Variants in HDAC9 observed in about 807,000 individuals in gnomAD.
HDAC9 encodes the protein MEF-2 interacting transcription repressor (MITR) protein.
In HDAC9, 41 loss-of-function variants were observed where a neutral mutation model predicts 139.4. That is an observed-to-expected ratio of 0.29 (90% CI 0.23 to 0.38). HDAC9 has a LOEUF of 0.38. Among genes scored for constraint, HDAC9 ranks in the 10% least tolerant of loss-of-function variants. The pLI is 1.00. For missense variants in HDAC9, 1,147 were observed against 1,297.0 expected (o/e 0.88, Z 1.78); for synonymous variants, 517 against 476.2 (o/e 1.09, Z -1.12).
At chr7:18,739,431 T>C (rs952505582) in intron 13 of HDAC9, among the ~76,000 whole-genome samples, 1 of 152,234 alleles carries the variant, frequency 6.6e-6, no homozygotes, top group African/African-American at 2.4e-5. Flanking sequence ...GTTGGTGACC[T>C]ACAGATGGGG....
At chr7:18,170,492 G>A (rs1442163715) in intron 2 of HDAC9, among the ~76,000 whole-genome samples, 3 of 152,024 alleles carry the variant, frequency 2.0e-5, no homozygotes, top group East Asian at 1.9e-4. Flanking sequence ...TGTTGCTTTC[G>A]GTGTTTTAGT....
At chr7:18,328,616 T>C (rs939182107) in intron 1 of HDAC9, among the ~76,000 whole-genome samples, 2 of 151,952 alleles carry the variant, frequency 1.3e-5, no homozygotes, top group Admixed American at 6.6e-5. Context: ...ATTGCAGATA[T>C]TGAACCATCC....
Position 18,975,967 on chromosome 7 carries a change from G to C in HDAC9, c.3170+14G>C, listed in dbSNP as rs184747094. ...GGAAGACAGCAGGTATGAATCCAAC[G>C]TGCGGGAATAATCCGGGTCAGTCAT... On this transcript the variant is annotated intron_variant, in intron 25 of 25. Coordinates refer to ENST00000686413, the MANE Select transcript of HDAC9 (RefSeq NM_178425.4). 3.7e-6 allele frequency: 6 copies of C among 1,611,496 alleles called. No homozygotes were observed. Among genetic ancestry groups the C allele is most frequent in the Non-Finnish European group, 5.1e-6 (6 of 1,178,896 alleles).
intron 1 of HDAC9, among the ~76,000 whole-genome samples, chr7:18,299,195 G>A (rs969598110): frequency 1.3e-5 from 2 of 151,060 alleles, no homozygotes; most frequent in Admixed American, 1.3e-4. Context: ...AAAGTGATTA[G>A]CACCTTGGCT....
At chr7:18,265,675 T>A (rs1262780491) in intron 2 of HDAC9, among the ~76,000 whole-genome samples, 1 of 152,152 alleles carries the variant, frequency 6.6e-6, no homozygotes, top group Admixed American at 6.6e-5. Flanking sequence ...GAAACTTTTT[T>A]AATGAAAGAT....
chr7:18,527,522 T>C (rs1807349635), intron 2 of HDAC9, among the ~76,000 whole-genome samples: 1 of 152,034 alleles, frequency 6.6e-6, no homozygotes, highest in Admixed American at 6.6e-5. Flanking sequence ...TTTGTGATAA[T>C]ACCGAAAAAA....
chr7:18,784,325 G>A (rs1029492175), intron 16 of HDAC9, among the ~76,000 whole-genome samples: 2 of 151,484 alleles, frequency 1.3e-5, no homozygotes, highest in Admixed American at 1.3e-4. Flanking sequence ...TGATCCTCCC[G>A]CCTCAGCTTT....
At chr7:18,560,916 A>G (rs1220879210) in intron 2 of HDAC9, among the ~76,000 whole-genome samples, 1 of 151,996 alleles carries the variant, frequency 6.6e-6, no homozygotes, top group African/African-American at 2.4e-5. Context: ...GTTTGCTTGG[A>G]CCTCACCTTG....
At chr7:18,560,998 C>CGATATTCTT (rs1820408278) in intron 2 of HDAC9, among the ~76,000 whole-genome samples, 1 of 152,028 alleles carries the variant, frequency 6.6e-6, no homozygotes, top group Non-Finnish European at 1.5e-5. Flanking sequence ...AGGATACCAC[C>CGATATTCTT]GATATTCTTA....
intron 1 of HDAC9, among the ~76,000 whole-genome samples, chr7:18,441,619 A>T (rs2128093032): frequency 6.6e-6 from 1 of 152,330 alleles, no homozygotes; most frequent in African/African-American, 2.4e-5. Flanking sequence ...TTCAGTATTC[A>T]CTTGTTTGGA....
rs770807913 is a variant in HDAC9 at position 18,874,485 on chromosome 7, G to T, written c.2692G>T (p.Val898Leu). Residue 898 changes from valine (V) to leucine (L), a missense_variant, in exon 22 of 26, where the codon GTG becomes TTG. This residue lies in a region of HDAC9 where 407 missense variants were observed against 521.5 expected (regional missense o/e 0.78). Coordinates refer to ENST00000686413, the MANE Select transcript of HDAC9 (RefSeq NM_178425.4). ...VEYLEAFRTI[V>L]KPVAKEFDPD... is the part of the protein sequence containing the mutation. ...TGCATTTTTACTGTGCAGGACCATC[G>T]TGAAGCCTGTGGCCAAAGAGTTTGA... 1 of 1,581,638 alleles carries T rather than the reference G, an allele frequency of 6.3e-7. No individual in the cohort carries two copies. Among genetic ancestry groups the T allele is most frequent in the South Asian group, 1.2e-5 (1 of 86,632 alleles).
chr7:18,430,925 A>G (rs1252916399), intron 1 of HDAC9, among the ~76,000 whole-genome samples: 1 of 152,000 alleles, frequency 6.6e-6, no homozygotes, highest in Non-Finnish European at 1.5e-5. Context: ...ACTAAACCTT[A>G]CCCTATGTAA....
intron 22 of HDAC9, among the ~76,000 whole-genome samples, chr7:18,914,387 G>A (rs1251795928): frequency 4.0e-5 from 6 of 151,796 alleles, no homozygotes; most frequent in Non-Finnish European, 2.9e-5. Context: ...AACTAGCACA[G>A]CTGAGACAAG....
chr7:18,093,258 G>T (rs1200528904), intron 1 of HDAC9, among the ~76,000 whole-genome samples: 1 of 152,194 alleles, frequency 6.6e-6, no homozygotes, highest in Non-Finnish European at 1.5e-5. Context: ...GCCAAGGGTC[G>T]TTCAGCTAGG....
intron 2 of HDAC9, among the ~76,000 whole-genome samples, chr7:18,568,733 C>T (rs985887830): frequency 1.8e-4 from 27 of 152,124 alleles, no homozygotes; most frequent in African/African-American, 6.5e-4. Context: ...TTGTTTGTCA[C>T]AGGGACATCC....
intron 1 of HDAC9, among the ~76,000 whole-genome samples, chr7:18,334,220 C>A (rs1223006976): frequency 1.3e-5 from 2 of 151,174 alleles, no homozygotes; most frequent in Non-Finnish European, 3.0e-5. Flanking sequence ...TATCATATCA[C>A]AAAAAATCTA....
chr7:18,182,173 A>G (rs1011896548), intron 2 of HDAC9, among the ~76,000 whole-genome samples: 2 of 152,208 alleles, frequency 1.3e-5, no homozygotes, highest in East Asian at 3.8e-4. Flanking sequence ...GAAGAGCTTG[A>G]GAATTCTAAA....
chr7:18,787,204 C>T (rs1791897768), intron 16 of HDAC9, among the ~76,000 whole-genome samples: 1 of 152,084 alleles, frequency 6.6e-6, no homozygotes, highest in African/African-American at 2.4e-5. Flanking sequence ...GATTGTGCCT[C>T]CTCCTCTGAT....
At chr7:18,460,023 A>C (rs1793697881) in intron 1 of HDAC9, among the ~76,000 whole-genome samples, 1 of 150,448 alleles carries the variant, frequency 6.6e-6, no homozygotes, top group Non-Finnish European at 1.5e-5. Context: ...GGGCACAGGC[A>C]ATCTTCCCAC....
Sources: allele counts gnomAD v4.1 joint callset (sites outside exome capture counted in the v4.1 genomes callset), GRCh38; gene constraint gnomAD v4.1.1; regional missense constraint gnomAD v4.1.1; transcripts MANE v1.5; gene names NCBI Gene and HGNC (gene_info 2026-07-23, HGNC 2026-07-21).